Variants in P3H2 observed in about 807,000 individuals in gnomAD.
P3H2 encodes prolyl 3-hydroxylase 2.
P3H2 carries 80 observed loss-of-function variants against 87.0 expected under a neutral mutation model. The ratio of observed to expected loss-of-function variants is 0.92; its 90% CI spans 0.77 to 1.11. P3H2 has a LOEUF of 1.11. Among genes scored for constraint, P3H2 ranks in the 50% least tolerant of loss-of-function variants. The pLI is 0.00. For synonymous variants in P3H2, 367 were observed against 359.3 expected (o/e 1.02, Z -0.24); for missense variants, 1,001 against 923.9 (o/e 1.08, Z -1.08).
At chr3:190,096,139 C>T (rs955377064) in intron 1 of P3H2, among the ~76,000 whole-genome samples, 9 of 152,128 alleles carry the variant, frequency 5.9e-5, no homozygotes, top group Admixed American at 1.3e-4. Flanking sequence ...CAAACAAACG[C>T]CAAGAACCTG....
At chr3:190,073,941 T>TTCAC (rs1560389339) in intron 1 of P3H2, among the ~76,000 whole-genome samples, 1 of 152,174 alleles carries the variant, frequency 6.6e-6, no homozygotes, top group South Asian at 2.1e-4. Context: ...TAGGGGACAG[T>TTCAC]TCACTTTTTT....
chr3:190,067,003 TTTTC>T lies in P3H2; in HGVS notation c.480+53245_480+53248del, dbSNP rs964080108. 5.4e-5 allele frequency among the ~76,000 whole-genome samples: 8 copies of T among 147,352 alleles called. No individual in the cohort carries two copies. The South Asian group carries it at 8.4e-4, about 16-fold the overall frequency. ...TCACATGTAGTTTATTCTTTTTTAA[TTTTC>T]TTTCTTTTTTTTTTTTTTGTAGAGA... is the stretch of plus-strand genomic sequence containing the variant. On this transcript the variant is annotated intron_variant, in intron 1 of 14. Coordinates refer to ENST00000319332, the MANE Select transcript of P3H2 (RefSeq NM_018192.4).
At chr3:189,993,531 A>C (rs1352665470) in intron 3 of P3H2, among the ~76,000 whole-genome samples, 1 of 152,176 alleles carries the variant, frequency 6.6e-6, no homozygotes. Context: ...TGCATTACCT[A>C]GTATTTTAAA....
intron 1 of P3H2, among the ~76,000 whole-genome samples, chr3:190,051,325 G>T (rs1447106059): frequency 6.7e-6 from 1 of 149,810 alleles, no homozygotes; most frequent in Non-Finnish European, 1.5e-5. Context: ...TATAAAAAAT[G>T]GAAATAGGAA....
chr3:190,062,626 C>T lies in P3H2; in HGVS notation c.480+57626G>A, dbSNP rs77381810. 1.6e-3 allele frequency among the ~76,000 whole-genome samples: 246 copies of T among 152,154 alleles called. 1 individual carries two copies. Among genetic ancestry groups the T allele is most frequent in the Non-Finnish European group, 3.1e-3 (210 of 68,004 alleles). On this transcript the variant is annotated intron_variant, in intron 1 of 14. Transcript: ENST00000319332. ...GCACTATTATTATGTATAAGCATTG[C>T]GTTTTGAAATAAACCCAGACTTCCT...
At position 190,046,634 on chromosome 3, in the gene P3H2, A is replaced by G. The variant is rs1196350399; in HGVS notation, c.481-51192T>C. Among the ~76,000 whole-genome samples the G allele has an allele frequency of 4.9e-4, 5 of 10,186 alleles. No homozygotes were observed. In the East Asian group the frequency reaches 0.031, roughly 64 times the overall value. The allele number at this position is 10,186 out of a possible 152,430, so 6.7% of individuals were successfully genotyped here. A position where few individuals can be genotyped will look rare whatever the true frequency, so the allele number is the denominator to read the frequency against. Reference sequence around the variant, plus strand: ...ATTTCAACACTATAATCTCACAATCAGATATAGATTTAAGAAACAATCAGA... The same window carrying G: ...ATTTCAACACTATAATCTCACAATCGGATATAGATTTAAGAAACAATCAGA... On this transcript the variant is annotated intron_variant, in intron 1 of 14. Transcript: ENST00000319332.
chr3:190,004,457 A>C (rs1031234086), intron 1 of P3H2, among the ~76,000 whole-genome samples: 1 of 152,010 alleles, frequency 6.6e-6, no homozygotes, highest in South Asian at 2.1e-4. Flanking sequence ...ATCTCGGCTC[A>C]CTGCAAGCTC....
intron 1 of P3H2, among the ~76,000 whole-genome samples, chr3:190,034,505 A>C (rs908949420): frequency 1.3e-5 from 2 of 152,260 alleles, no homozygotes; most frequent in Admixed American, 1.3e-4. Context: ...TTGGTCACCC[A>C]TAAAACAGAA....
intron 7 of P3H2, among the ~76,000 whole-genome samples, chr3:189,984,016 T>TA (rs1159065974): frequency 6.6e-6 from 1 of 152,150 alleles, no homozygotes; most frequent in African/African-American, 2.4e-5. Context: ...ACATGGCACA[T>TA]GTATACATAT....
At chr3:190,023,420 AG>A (rs1200705081) in intron 1 of P3H2, among the ~76,000 whole-genome samples, 1 of 152,248 alleles carries the variant, frequency 6.6e-6, no homozygotes, top group Non-Finnish European at 1.5e-5. Flanking sequence ...CAGAAGCCTC[AG>A]GAAACTTACA....
upstream of P3H2, chr3:190,120,945 C>A: frequency 1.6e-6 from 1 of 632,040 alleles, no homozygotes; most frequent in Non-Finnish European, 2.5e-6. Context: ...CCACAGCTCA[C>A]ACGCTCCTCC....
chr3:190,024,530 CAAAAAAA>C lies in P3H2; in HGVS notation c.481-29095_481-29089del, dbSNP rs71635314. ...TGGGCAATAGAGTGAGGTTCCCTCT[CAAAAAAA>C]AAAAAAAAAAAAAAAAGAAAGAAAG... On this transcript the variant is annotated intron_variant, in intron 1 of 14. Coordinates refer to ENST00000319332, the MANE Select transcript of P3H2 (RefSeq NM_018192.4). Among the ~76,000 whole-genome samples the C allele has an allele frequency of 4.2e-4, 22 of 52,944 alleles. 2 individuals carry two copies. Among genetic ancestry groups the C allele is most frequent in the Admixed American group, 7.5e-4 (3 of 3,996 alleles). The allele number at this position is 52,944 out of a possible 152,430, so 34.7% of individuals were successfully genotyped here.
intron 1 of P3H2, among the ~76,000 whole-genome samples, chr3:190,002,280 G>A (rs774444083): frequency 2.6e-5 from 4 of 152,048 alleles, no homozygotes; most frequent in Non-Finnish European, 4.4e-5. Flanking sequence ...AACATCCATA[G>A]AGAACTACCT....
At chr3:190,049,846 C>T (rs924383181) in intron 1 of P3H2, among the ~76,000 whole-genome samples, 14 of 152,236 alleles carry the variant, frequency 9.2e-5, no homozygotes, top group African/African-American at 3.1e-4. Flanking sequence ...ATATTTGTTC[C>T]ACGACATGTG....
At chr3:190,037,366 C>A (rs1725458367) in intron 1 of P3H2, among the ~76,000 whole-genome samples, 1 of 151,582 alleles carries the variant, frequency 6.6e-6, no homozygotes, top group Non-Finnish European at 1.5e-5. Flanking sequence ...GATTTCTCCC[C>A]AGAAAGATGA....
chr3:190,045,343 C>CA (rs1336795067), intron 1 of P3H2, among the ~76,000 whole-genome samples: 1 of 152,170 alleles, frequency 6.6e-6, no homozygotes, highest in Non-Finnish European at 1.5e-5. Context: ...GATCTCTAAA[C>CA]ATTCTTTTCC....
At chr3:190,001,955 A>T (rs1724230022) in intron 1 of P3H2, among the ~76,000 whole-genome samples, 1 of 152,212 alleles carries the variant, frequency 6.6e-6, no homozygotes, top group Non-Finnish European at 1.5e-5. Flanking sequence ...TTGAAATAAA[A>T]TTTGGAAGCA....
intron 1 of P3H2, among the ~76,000 whole-genome samples, chr3:190,066,552 G>A (rs1726512071): frequency 6.6e-6 from 1 of 152,024 alleles, no homozygotes; most frequent in African/African-American, 2.4e-5. Context: ...CTGCTCAGGT[G>A]ATGGTTGCAC....
intron 1 of P3H2, among the ~76,000 whole-genome samples, chr3:190,000,132 T>C (rs775259078): frequency 6.6e-6 from 1 of 152,202 alleles, no homozygotes; most frequent in Non-Finnish European, 1.5e-5. Context: ...TTTCAGACAC[T>C]CCACATCATG....
Sources: allele counts gnomAD v4.1 joint callset (sites outside exome capture counted in the v4.1 genomes callset), GRCh38; gene constraint gnomAD v4.1.1; transcripts MANE v1.5; gene names NCBI Gene and HGNC (gene_info 2026-07-23, HGNC 2026-07-21).